Variants in CNTN1 observed in about 807,000 individuals in gnomAD.
CNTN1 encodes the protein contactin-1.
CNTN1 carries 38 observed loss-of-function variants against 126.4 expected under a neutral mutation model. The observed-to-expected ratio is 0.30, with a 90% confidence interval of 0.23 to 0.39. The LOEUF (loss-of-function observed/expected upper bound fraction) is 0.39. Ranked by LOEUF, CNTN1 falls within the 10% of genes least tolerant of loss-of-function variation. The probability of loss-of-function intolerance (pLI) is 1.00; values close to 1 mark genes in which losing one functional copy is unlikely to be tolerated. For synonymous variants in CNTN1, 413 were observed against 422.6 expected, an observed-to-expected ratio of 0.98 and a Z score of 0.28; for missense variants, 1,009 against 1,248.4, an observed-to-expected ratio of 0.81 and a Z score of 2.89.
At chr12:40,821,210 A>C (rs771578396) in intron 1 of CNTN1, among the ~76,000 whole-genome samples, 1 of 152,208 alleles carries the variant, frequency 6.6e-6, no homozygotes, top group Non-Finnish European at 1.5e-5. Flanking sequence ...AGAGAAGCTA[A>C]GTAGGATGTA....
chr12:40,807,451 G>A (rs1226217574), intron 1 of CNTN1, among the ~76,000 whole-genome samples: 1 of 152,106 alleles, frequency 6.6e-6, no homozygotes, highest in Non-Finnish European at 1.5e-5. Context: ...GAGGGCGAAA[G>A]GTGGCTCTAG....
chr12:40,937,556 T>C lies in CNTN1; in HGVS notation c.1111-14T>C, dbSNP rs1946122967. 3 of 1,477,992 alleles carry C rather than the reference T, an allele frequency of 2.0e-6. No homozygotes were observed. Among genetic ancestry groups the C allele is most frequent in the East Asian group, 2.3e-5 (1 of 44,118 alleles). 91.6% of individuals were successfully genotyped at this position (1,477,992 alleles called of 1,614,324 possible). ...AAGTTCATTGAGAATATGTTTCAATTTTATTCTTTTCAGTATCATAAAGGG... is the reference window on the plus strand; with the variant it reads ...AAGTTCATTGAGAATATGTTTCAATCTTATTCTTTTCAGTATCATAAAGGG... On this transcript the variant is annotated splice_polypyrimidine_tract_variant and intron_variant, in intron 10 of 23. Transcript: ENST00000551295.
chr12:40,946,968 A>T (rs541016446), intron 14 of CNTN1, among the ~76,000 whole-genome samples: 2 of 151,958 alleles, frequency 1.3e-5, no homozygotes, highest in South Asian at 4.1e-4. Context: ...ATTTTTTCTA[A>T]TTAAAGTTAT....
At chr12:40,747,462 A>C (rs1592042764) in intron 1 of CNTN1, among the ~76,000 whole-genome samples, 1 of 152,062 alleles carries the variant, frequency 6.6e-6, no homozygotes, top group East Asian at 1.9e-4. Flanking sequence ...TAGTGAGCAA[A>C]AGCCAAGTGA....
chr12:40,822,446 C>T (rs1338932076), intron 1 of CNTN1, among the ~76,000 whole-genome samples: 2 of 151,950 alleles, frequency 1.3e-5, no homozygotes, highest in Non-Finnish European at 2.9e-5. Flanking sequence ...ATTATACTAT[C>T]TTGCTTGTTT....
intron 19 of CNTN1, 93 bp from the exon 20 acceptor site, chr12:41,020,244 T>A (rs1407500944): frequency 1.3e-6 from 1 of 741,410 alleles, no homozygotes; most frequent in Admixed American, 2.5e-5. Flanking sequence ...AATTAAAGTA[T>A]GGTCCAACAT....
intron 15 of CNTN1, among the ~76,000 whole-genome samples, chr12:40,962,085 T>C (rs944648539): frequency 2.6e-5 from 4 of 152,106 alleles, no homozygotes; most frequent in African/African-American, 9.7e-5. Context: ...AAATTTTTTA[T>C]AACAAAATTA....
intron 1 of CNTN1, among the ~76,000 whole-genome samples, chr12:40,867,004 A>C (rs1430886173): frequency 6.9e-6 from 1 of 145,250 alleles, no homozygotes; most frequent in African/African-American, 2.8e-5. Flanking sequence ...CAGAATTTGG[A>C]CATGTGGTCC....
At chr12:40,971,808 GCC>G (rs777679541) in intron 15 of CNTN1, 596 of 1,162,514 alleles carry the variant, frequency 5.1e-4, no homozygotes, top group Non-Finnish European at 5.9e-4. Flanking sequence ...AAATTATATA[GCC>G]CAGAAATTAG....
chr12:40,766,356 TAAAAAA>T (rs11381914), intron 1 of CNTN1, among the ~76,000 whole-genome samples: 2 of 133,808 alleles, frequency 1.5e-5, no homozygotes, highest in East Asian at 4.3e-4. Context: ...AACTCCGTCT[TAAAAAA>T]AAAAAAAAAA....
intron 1 of CNTN1, among the ~76,000 whole-genome samples, chr12:40,865,704 A>G (rs1300360469): frequency 6.6e-6 from 1 of 152,148 alleles, no homozygotes; most frequent in East Asian, 1.9e-4. Flanking sequence ...TACCAAGACT[A>G]CATTGTCTTG....
intron 1 of CNTN1, among the ~76,000 whole-genome samples, chr12:40,876,378 T>C (rs533411487): frequency 6.6e-6 from 1 of 152,230 alleles, no homozygotes; most frequent in Admixed American, 6.5e-5. Context: ...GAAGAAAATA[T>C]ACCCAACAAT....
At chr12:41,031,594 A>G (rs1226167099) in intron 23 of CNTN1, among the ~76,000 whole-genome samples, 1 of 152,222 alleles carries the variant, frequency 6.6e-6, no homozygotes, top group South Asian at 2.1e-4. Flanking sequence ...TGATTTCAGC[A>G]TACCACAGCT....
intron 1 of CNTN1, among the ~76,000 whole-genome samples, chr12:40,843,727 C>T (rs971267645): frequency 6.6e-6 from 1 of 152,110 alleles, no homozygotes; most frequent in Non-Finnish European, 1.5e-5. Flanking sequence ...AAATGCCCTG[C>T]AAGATAAGCA....
intron 1 of CNTN1, among the ~76,000 whole-genome samples, chr12:40,837,242 A>T (rs1443661565): frequency 6.6e-6 from 1 of 152,194 alleles, no homozygotes; most frequent in Admixed American, 6.5e-5. Flanking sequence ...AGACAGTCAC[A>T]TATTGAATAT....
At chr12:40,943,238 G>A (rs1019523602) in intron 12 of CNTN1, among the ~76,000 whole-genome samples, 1 of 151,986 alleles carries the variant, frequency 6.6e-6, no homozygotes, top group African/African-American at 2.4e-5. Flanking sequence ...CATGGAAATG[G>A]CAATCTGTCC....
intron 1 of CNTN1, among the ~76,000 whole-genome samples, chr12:40,743,928 T>C (rs952842532): frequency 3.3e-5 from 5 of 152,088 alleles, no homozygotes; most frequent in Non-Finnish European, 7.4e-5. Context: ...GGGTTTCACA[T>C]ATATGCCATG....
chr12:40,713,139 G>A lies in CNTN1; in HGVS notation c.-77+20547G>A, dbSNP rs1430179764. On this transcript the variant is annotated intron_variant, in intron 1 of 23. Transcript: ENST00000551295. The stretch of plus-strand genomic sequence containing the variant: ...TGCTCCTGCTCAGGACATTATTTTT[G>A]CATTCATTTCAAAACCAAGTACATT... 3.3e-5 allele frequency among the ~76,000 whole-genome samples: 5 copies of A among 151,554 alleles called. No individual in the cohort carries two copies. The East Asian group carries it at 9.7e-4, about 29-fold the overall frequency.
At chr12:40,840,525 C>T (rs919902706) in intron 1 of CNTN1, among the ~76,000 whole-genome samples, 3 of 151,982 alleles carry the variant, frequency 2.0e-5, no homozygotes, top group Non-Finnish European at 2.9e-5. Context: ...TTCTATCCAG[C>T]GATGGCAGAA....
Sources: gnomAD v4.1 joint callset for allele counts (sites outside exome capture counted in the v4.1 genomes callset) on GRCh38, gnomAD v4.1.1 for gene constraint, MANE v1.5 for transcripts, NCBI Gene and HGNC (gene_info 2026-07-23, HGNC 2026-07-21) for gene names.